The following LPP variants were observed in gnomAD, a reference collection of about 807,000 sequenced individuals.
LPP encodes the protein lipoma-preferred partner.
Under a neutral mutation model 60.4 loss-of-function variants are expected in LPP, and 38 were observed. The observed-to-expected ratio is 0.63, with a 90% confidence interval of 0.49 to 0.83. The LOEUF (loss-of-function observed/expected upper bound fraction) is 0.83, where lower values mean the gene tolerates loss of function less well. Ranked by LOEUF, LPP falls within the 40% of genes least tolerant of loss-of-function variation. The probability of loss-of-function intolerance (pLI) is 0.00; values close to 1 mark genes in which losing one functional copy is unlikely to be tolerated. For synonymous variants in LPP, 328 were observed against 290.8 expected, an observed-to-expected ratio of 1.13 and a Z score of -1.30; for missense variants, 902 against 783.6, an observed-to-expected ratio of 1.15 and a Z score of -1.80.
intron 5 of LPP, among the ~76,000 whole-genome samples, chr3:188,516,947 A>G (rs1351813883): frequency 1.3e-5 from 2 of 152,196 alleles, no homozygotes; most frequent in African/African-American, 2.4e-5. Context: ...GTTCAGATGC[A>G]TAGAAGCCCC....
Position 188,609,473 on chromosome 3 carries a change from C to A in LPP, c.742C>A (p.Pro248Thr). Residue 248 changes from proline (P) to threonine (T), a missense_variant, in exon 7 of 12, where the codon CCC (proline) becomes ACC (threonine). By Grantham distance (38) the Pro-to-Thr change is conservative (BLOSUM62 -1). Coordinates refer to ENST00000617246, the MANE Select transcript of LPP (RefSeq NM_001375462.1). The surrounding 1 kb of genome is among the most constrained non-coding windows in gnomAD (Gnocchi z 6.9). ...PSSGQIYGSG[P>T]QGYNTQPVPV... is the part of the protein sequence containing the mutation. Reference sequence around the variant, plus strand: ...ATCAGGACAAATTTATGGCTCAGGGCCCCAGGGCTATAACACTCAGCCAGT... The same window carrying A: ...ATCAGGACAAATTTATGGCTCAGGGACCCAGGGCTATAACACTCAGCCAGT... 6.2e-7 allele frequency: 1 copy of A among 1,614,196 alleles called. No homozygotes were observed. Among genetic ancestry groups the A allele is most frequent in the Non-Finnish European group, 8.5e-7 (1 of 1,180,036 alleles).
At chr3:188,726,715 A>G (rs1285812114) in intron 8 of LPP, among the ~76,000 whole-genome samples, 1 of 152,118 alleles carries the variant, frequency 6.6e-6, no homozygotes, top group East Asian at 1.9e-4. Flanking sequence ...TTTCTTTTCC[A>G]TTTTTTGTTT....
intron 7 of LPP, among the ~76,000 whole-genome samples, chr3:188,706,271 T>C (rs1253524361): frequency 6.6e-6 from 1 of 152,166 alleles, no homozygotes. Context: ...TTTCCCTGTC[T>C]CACAAAGAGG....
rs915415993 is a variant in LPP, at chr3:188,875,859, G to A, written c.*1380G>A. ...TGTTTCACTTAAGGAGAGACACCTA[G>A]CTTAGTCATGGCAAGTTGCCATTTT... On this transcript the variant is annotated 3_prime_UTR_variant, in exon 12 of 12. Coordinates refer to ENST00000617246, the MANE Select transcript of LPP (RefSeq NM_001375462.1). The A allele has an allele frequency of 8.9e-5, 17 of 191,100 alleles. No individual in the cohort carries two copies. Among genetic ancestry groups the A allele is most frequent in the African/African-American group, 3.5e-4 (15 of 42,952 alleles). The allele number at this position is 191,100 out of a possible 1,614,324, so 11.8% of individuals were successfully genotyped here.
chr3:188,571,766 A>G (rs373849055), intron 6 of LPP, among the ~76,000 whole-genome samples: 1 of 152,126 alleles, frequency 6.6e-6, no homozygotes, highest in South Asian at 2.1e-4. Flanking sequence ...TTCAACAGGA[A>G]GCTTAATCTC....
chr3:188,386,811 G>C (rs1180374210), intron 3 of LPP, among the ~76,000 whole-genome samples: 2 of 152,086 alleles, frequency 1.3e-5, no homozygotes, highest in Non-Finnish European at 2.9e-5. Flanking sequence ...GCCCATCAAA[G>C]CATTTTGCAG....
chr3:188,878,834 AT>A lies in LPP; in HGVS notation c.*4358del. The A allele has an allele frequency of 4.9e-6, 1 of 204,188 alleles. No homozygotes were observed. The highest frequency in any genetic ancestry group is 1.0e-5 in the Non-Finnish European group (1 of 99,828). The allele number at this position is 204,188 out of a possible 1,614,324, so 12.6% of individuals were successfully genotyped here. On this transcript the variant is annotated 3_prime_UTR_variant, in exon 12 of 12. Coordinates refer to ENST00000617246, the MANE Select transcript of LPP (RefSeq NM_001375462.1). Reference sequence around the variant, plus strand: ...TTTCATCTTAATATATTCTAGTAGTATTTATTTTTTCCTTGTCTTGGAAGTA... The same window carrying A: ...TTTCATCTTAATATATTCTAGTAGTATTATTTTTTCCTTGTCTTGGAAGTA...
intron 4 of LPP, among the ~76,000 whole-genome samples, chr3:188,422,725 C>T (rs1378734476): frequency 6.6e-6 from 1 of 152,126 alleles, no homozygotes; most frequent in Non-Finnish European, 1.5e-5. Flanking sequence ...AATGAATGTG[C>T]TCCCTTTTCT....
chr3:188,841,884 A>G (rs1182643887), intron 9 of LPP, among the ~76,000 whole-genome samples: 2 of 152,076 alleles, frequency 1.3e-5, no homozygotes, highest in Non-Finnish European at 2.9e-5. Context: ...TGATTTTTGC[A>G]TATTGATTTT....
intron 9 of LPP, among the ~76,000 whole-genome samples, chr3:188,848,325 G>A (rs1352954993): frequency 6.6e-6 from 1 of 152,172 alleles, no homozygotes; most frequent in African/African-American, 2.4e-5. Flanking sequence ...AGAGGCAATT[G>A]CTTGAGAACT....
chr3:188,250,732 TTCTTTCTTTCTTTC>T (rs1728880667), intron 2 of LPP, among the ~76,000 whole-genome samples: 1 of 54,468 alleles, frequency 1.8e-5, no homozygotes, highest in South Asian at 7.5e-4. Flanking sequence ...CTCTCTTTCT[TTCTTTCTTTCTTTC>T]TTTCTTTCTT....
intron 3 of LPP, among the ~76,000 whole-genome samples, chr3:188,387,566 ATT>A (rs57960044): frequency 0.44 from 59,102 of 134,036 alleles, 12,531 homozygotes; most frequent in East Asian, 0.66. Context: ...TCAGAGGTTA[ATT>A]TTTTTTTTTT....
intron 9 of LPP, among the ~76,000 whole-genome samples, chr3:188,776,892 A>G (rs76886537): frequency 0.023 from 3,549 of 152,324 alleles, 119 homozygotes; most frequent in African/African-American, 0.076. Context: ...CCTAAATCAC[A>G]TAACAGTCAG....
At chr3:188,518,986 TA>T (rs1818152585) in intron 5 of LPP, among the ~76,000 whole-genome samples, 1 of 152,174 alleles carries the variant, frequency 6.6e-6, no homozygotes, top group Non-Finnish European at 1.5e-5. Flanking sequence ...GTTAACGTAT[TA>T]GGCAAGATAT....
At chr3:188,581,818 T>G (rs1239411600) in intron 6 of LPP, among the ~76,000 whole-genome samples, 1 of 152,208 alleles carries the variant, frequency 6.6e-6, no homozygotes. Flanking sequence ...CCTATTCTAC[T>G]TTTCTTCAGC....
At chr3:188,762,032 A>AT (rs1732535796) in intron 9 of LPP, among the ~76,000 whole-genome samples, 1 of 151,834 alleles carries the variant, frequency 6.6e-6, no homozygotes. Flanking sequence ...GCTCCTGTCT[A>AT]TTTTTTATCC....
chr3:188,548,516 G>A (rs1449802660), intron 6 of LPP, among the ~76,000 whole-genome samples: 1 of 152,172 alleles, frequency 6.6e-6, no homozygotes, highest in Admixed American at 6.5e-5. Flanking sequence ...TCACCATGCA[G>A]CACTTCAGGT....
intron 1 of LPP, among the ~76,000 whole-genome samples, chr3:188,203,677 C>T (rs544004623): frequency 2.9e-4 from 42 of 142,928 alleles, no homozygotes; most frequent in African/African-American, 7.9e-4. Context: ...GAGAAGATCT[C>T]GCTATGTTGC....
In LPP at chr3:188,217,910, A is replaced by T. The variant is rs984765273; in HGVS notation, c.-189-7495A>T. Among the ~76,000 whole-genome samples the T allele has an allele frequency of 2.0e-5, 3 of 152,230 alleles. No homozygotes were observed. The highest frequency in any genetic ancestry group is 7.2e-5 in the African/African-American group (3 of 41,460). On this transcript the variant is annotated intron_variant, in intron 1 of 11. Coordinates refer to ENST00000617246, the MANE Select transcript of LPP (RefSeq NM_001375462.1). The surrounding 1 kb of genome is among the most constrained non-coding windows in gnomAD (Gnocchi z 4.0). ...TGGAACGCCCCAAAATAAGCCCTGC[A>T]GAACGTGCAGCTTCCTTTGCTCTCC...
Sources: allele counts gnomAD v4.1 joint callset (sites outside exome capture counted in the v4.1 genomes callset), GRCh38; gene constraint gnomAD v4.1.1; non-coding constraint Gnocchi (gnomAD v3.1); transcripts MANE v1.5; gene names NCBI Gene and HGNC (gene_info 2026-07-23, HGNC 2026-07-21).